The following PHF12 variants were observed in gnomAD, a reference collection of about 807,000 sequenced individuals.
PHF12 encodes PHD factor 1.
Under a neutral mutation model 99.8 loss-of-function variants are expected in PHF12, and 6 were observed. That is an observed-to-expected ratio of 0.06 (90% CI 0.03 to 0.12). The LOEUF (loss-of-function observed/expected upper bound fraction) is 0.12. Ranked by LOEUF, PHF12 falls within the 10% of genes least tolerant of loss-of-function variation. The pLI, the probability that PHF12 is intolerant of heterozygous loss-of-function variation, is 1.00. For missense variants in PHF12, 954 were observed against 1,300.1 expected, an observed-to-expected ratio of 0.73 and a Z score of 4.09; for synonymous variants, 480 against 514.9, an observed-to-expected ratio of 0.93 and a Z score of 0.92.
chr17:28,926,576 T>C (rs2040277448), intron 3 of PHF12: 1 of 357,198 alleles, frequency 2.8e-6, no homozygotes, highest in Admixed American at 4.0e-5. Flanking sequence ...TACAAATGCG[T>C]TCAAAATCCT....
At chr17:28,939,764 G>C (rs1033992177) in intron 2 of PHF12, among the ~76,000 whole-genome samples, 1 of 152,206 alleles carries the variant, frequency 6.6e-6, no homozygotes, top group Non-Finnish European at 1.5e-5. Context: ...GAGTAAAAAA[G>C]ATGCTTGTGC....
intron 5 of PHF12, among the ~76,000 whole-genome samples, chr17:28,921,462 C>G (rs116057463): frequency 2.6e-5 from 4 of 152,178 alleles, no homozygotes; most frequent in Middle Eastern, 6.3e-3. Context: ...CCACCGTGCT[C>G]GGCCTCAACA....
At chr17:28,910,844 T>G in intron 10 of PHF12, 1 of 446,918 alleles carries the variant, frequency 2.2e-6, no homozygotes. Context: ...CTAAAGTGAT[T>G]TTGTTCTCGT....
intron 4 of PHF12, 140 bp downstream of exon 4, chr17:28,923,769 A>G: frequency 1.8e-6 from 2 of 1,085,940 alleles, no homozygotes. Flanking sequence ...AAGACCTTCA[A>G]AGATCTCTCC....
chr17:28,936,556 G>A (rs1177140562), intron 2 of PHF12, among the ~76,000 whole-genome samples: 1 of 152,164 alleles, frequency 6.6e-6, no homozygotes, highest in African/African-American at 2.4e-5. Context: ...CACATGAACT[G>A]GTAGGGTCTT....
chr17:28,950,239 T>G lies in PHF12; in HGVS notation c.74A>C (p.Gln25Pro). 1 of 1,608,502 alleles carries G rather than the reference T, an allele frequency of 6.2e-7. No individual in the cohort carries two copies. Among genetic ancestry groups the G allele is most frequent in the Non-Finnish European group, 8.5e-7 (1 of 1,179,700 alleles). The change falls in exon 2 of 15, where the codon CAA becomes CCA. Residue 25 changes from glutamine (Q) to proline (P), a missense_variant. Physicochemically the swap from Gln to Pro is moderately conservative, Grantham distance 76. Coordinates refer to ENST00000332830, the MANE Select transcript of PHF12 (RefSeq NM_001033561.2). This position sits in a 1 kb window ranked among gnomAD's most constrained non-coding sequence, Gnocchi z 5.7. ...CGTCTTGGGGGGAGCCAGCAGAGCTTGGATTTGCTGCACACACATACAAAC... is the reference window on the plus strand; with the variant it reads ...CGTCTTGGGGGGAGCCAGCAGAGCTGGGATTTGCTGCACACACATACAAAC... ...DTSGGLMEQI[Q>P]ALLAPPKTDE...
Position 28,944,584 on chromosome 17 carries a change from T to C in PHF12, c.248+5481A>G, listed in dbSNP as rs947693791. ...ATCACTTGAACCTGGAAGGCGGAGATTGCAGTGAACTGAGATCACACCAAT... is the reference window on the plus strand; with the variant it reads ...ATCACTTGAACCTGGAAGGCGGAGACTGCAGTGAACTGAGATCACACCAAT... On this transcript the variant is annotated intron_variant, in intron 2 of 14. Transcript: ENST00000332830. 3 of 899,930 alleles carry C rather than the reference T, an allele frequency of 3.3e-6. No homozygotes were observed. In the Admixed American group the frequency reaches 1.9e-4, roughly 56 times the overall value. 55.7% of individuals were successfully genotyped at this position (899,930 alleles called of 1,614,324 possible).
In PHF12 at chr17:28,951,119, C is replaced by A; in HGVS notation, c.-159G>T. On this transcript the variant is annotated 5_prime_UTR_variant, in exon 1 of 15. Transcript: ENST00000332830. ...TGGCTCCCCCCCACCCCCCGGCCCC[C>A]AGTCCCCGGGACGACAGCGTCCTCC... 6.9e-7 allele frequency: 1 copy of A among 1,451,394 alleles called. No individual in the cohort carries two copies. The highest frequency in any genetic ancestry group is 9.1e-7 in the Non-Finnish European group (1 of 1,103,868). The allele number at this position is 1,451,394 out of a possible 1,614,324, so 89.9% of individuals were successfully genotyped here.
Position 28,943,908 on chromosome 17 carries a change from C to G in PHF12, c.248+6157G>C, listed in dbSNP as rs533734507. Among the ~76,000 whole-genome samples, 4 of 152,346 alleles carry G rather than the reference C, an allele frequency of 2.6e-5. No homozygotes were observed. The South Asian group carries it at 8.3e-4, about 32-fold the overall frequency. On this transcript the variant is annotated intron_variant, in intron 2 of 14. Coordinates refer to ENST00000332830, the MANE Select transcript of PHF12 (RefSeq NM_001033561.2). ...TTTAGGTATCACTTGTACTTTCACT[C>G]AGGTTAGCAAAAACCAGTGTTTTAT... is the stretch of plus-strand genomic sequence containing the variant.
rs199768000 is a variant in PHF12, at chr17:28,950,096, G to C, written c.217C>G (p.His73Asp). The C allele has an allele frequency of 1.2e-6, 2 of 1,612,990 alleles. No homozygotes were observed. The highest frequency in any genetic ancestry group is 2.7e-5 in the African/African-American group (2 of 74,760). Residue 73 changes from histidine (H) to aspartate (D), a missense_variant, in exon 2 of 15, where the codon CAC (histidine) becomes GAC (aspartate). Physicochemically the swap from His to Asp is moderately conservative, Grantham distance 81. Around this residue, in one of 8 missense-constraint regions of PHF12, gnomAD observed 10 missense variants for 58.3 expected, o/e 0.17. Coordinates refer to ENST00000332830, the MANE Select transcript of PHF12 (RefSeq NM_001033561.2). The surrounding 1 kb of genome is among the most constrained non-coding windows in gnomAD (Gnocchi z 5.7). ...TGGAGGTGGAAGGCAGCCGGGCAGT[G>C]GTCGCAGCACAGGAGATCTCCACCT... ...KEGGDLLCCDHCPAAFHLQCC... is the reference protein window; with the variant it reads ...KEGGDLLCCDDCPAAFHLQCC...
At chr17:28,932,283 C>A (rs979735126) in intron 2 of PHF12, among the ~76,000 whole-genome samples, 1 of 152,144 alleles carries the variant, frequency 6.6e-6, no homozygotes, top group Non-Finnish European at 1.5e-5. Context: ...AGGCGCATAC[C>A]ACTACGCTGG....
rs1469368346 is a variant in PHF12, at chr17:28,919,284, A to T, written c.837-9T>A. ...GAGCCACACGGCAACTCCTGCAAAAAAGAGATGTTGGCCATTTCTGTGGCA... is the reference window on the plus strand; with the variant it reads ...GAGCCACACGGCAACTCCTGCAAAATAGAGATGTTGGCCATTTCTGTGGCA... On this transcript the variant is annotated splice_polypyrimidine_tract_variant and intron_variant, in intron 5 of 14. Coordinates refer to ENST00000332830, the MANE Select transcript of PHF12 (RefSeq NM_001033561.2). The T allele has an allele frequency of 6.2e-7, 1 of 1,612,212 alleles. No homozygotes were observed. The highest frequency in any genetic ancestry group is 8.5e-7 in the Non-Finnish European group (1 of 1,178,618).
chr17:28,919,071 A>C, intron 6 of PHF12, 72 bp downstream of exon 6: 1 of 1,513,328 alleles, frequency 6.6e-7, no homozygotes. Flanking sequence ...GCTGACCTTA[A>C]TATGCTTTCT....
rs563678061 is a variant in PHF12 at position 28,949,700 on chromosome 17, A to C, written c.248+365T>G. The C allele has an allele frequency of 7.2e-3, 1,293 of 179,558 alleles. 20 individuals are homozygous for C. Among genetic ancestry groups the C allele is most frequent in the African/African-American group, 0.029 (1,237 of 42,382 alleles). 11.1% of individuals were successfully genotyped at this position (179,558 alleles called of 1,614,324 possible). ...AGATCCCGGCCGGGCAGGAGCCCCG[A>C]GGGCAGCGGGCGCGCGGGCAGGCAA... On this transcript the variant is annotated intron_variant, in intron 2 of 14. Coordinates refer to ENST00000332830, the MANE Select transcript of PHF12 (RefSeq NM_001033561.2). This position sits in a 1 kb window ranked among gnomAD's most constrained non-coding sequence, Gnocchi z 4.6.
intron 3 of PHF12, 100 bp from the exon 4 acceptor site, chr17:28,924,402 G>T: frequency 6.6e-7 from 1 of 1,522,400 alleles, no homozygotes; most frequent in Non-Finnish European, 9.0e-7. Flanking sequence ...ACTGTAAAAG[G>T]CCTTCACATA....
At chr17:28,920,883 TA>T (rs1338596534) in intron 5 of PHF12, among the ~76,000 whole-genome samples, 1 of 148,916 alleles carries the variant, frequency 6.7e-6, no homozygotes, top group Non-Finnish European at 1.5e-5. Context: ...TATTTTTATT[TA>T]TTTTTTTGAG....
intron 5 of PHF12, among the ~76,000 whole-genome samples, 199 bp downstream of exon 5, chr17:28,921,489 T>C (rs1470476648): frequency 6.6e-6 from 1 of 152,186 alleles, no homozygotes; most frequent in Non-Finnish European, 1.5e-5. Context: ...ACAGTACTCC[T>C]GTACTGTGAT....
At position 28,912,895 on chromosome 17, in the gene PHF12, G is replaced by T; in HGVS notation, c.1676C>A (p.Ser559Tyr). 1 of 1,613,476 alleles carries T rather than the reference G, an allele frequency of 6.2e-7. No individual in the cohort carries two copies. Among genetic ancestry groups the T allele is most frequent in the Non-Finnish European group, 8.5e-7 (1 of 1,179,434 alleles). ...GPHLYSSPTDSTDPRRLPGAN... is the reference protein window; with the variant it reads ...GPHLYSSPTDYTDPRRLPGAN... ...GCCTGGAAGTCGCCGGGGGTCCGTGGAATCAGTAGGGCTGCTGTAGAGGTG... is the reference window on the plus strand; with the variant it reads ...GCCTGGAAGTCGCCGGGGGTCCGTGTAATCAGTAGGGCTGCTGTAGAGGTG... Residue 559 changes from serine to tyrosine, a missense_variant, in exon 9 of 15, where the codon TCC (serine) becomes TAC (tyrosine). Ser to Tyr is a moderately radical substitution (Grantham distance 144). This residue lies in a region of PHF12 where 392 missense variants were observed against 423.1 expected (regional missense o/e 0.93). Transcript: ENST00000332830.
chr17:28,928,408 C>T (rs544245593), intron 2 of PHF12: 1 of 152,312 alleles, frequency 6.6e-6, no homozygotes, highest in East Asian at 1.9e-4. Flanking sequence ...TATCTTGGAC[C>T]TCTTGCTGCA....
Sources: allele counts gnomAD v4.1 joint callset (sites outside exome capture counted in the v4.1 genomes callset), GRCh38; gene constraint gnomAD v4.1.1; regional missense constraint gnomAD v4.1.1; non-coding constraint Gnocchi (gnomAD v3.1); transcripts MANE v1.5; gene names NCBI Gene and HGNC (gene_info 2026-07-23, HGNC 2026-07-21).